Variants in RPA1 observed in about 807,000 individuals in gnomAD.
RPA1 encodes replication protein A 70 kDa DNA-binding subunit.
A neutral mutation model predicts 83.0 loss-of-function variants in RPA1; 49 were observed. The observed-to-expected ratio is 0.59, with a 90% CI of 0.47 to 0.75. The LOEUF (loss-of-function observed/expected upper bound fraction) is 0.75. RPA1 is among the 30% of genes least tolerant of loss of function. The pLI is 0.00. For synonymous variants in RPA1, 279 were observed against 281.8 expected, an observed-to-expected ratio of 0.99 and a Z score of 0.10; for missense variants, 693 against 776.1, an observed-to-expected ratio of 0.89 and a Z score of 1.27.
At chr17:1,869,368 C>T (rs916114247) in intron 5 of RPA1, among the ~76,000 whole-genome samples, 2 of 152,082 alleles carry the variant, frequency 1.3e-5, no homozygotes, top group African/African-American at 4.8e-5. Flanking sequence ...GAAACCCTGT[C>T]TCTACTAAAA....
intron 5 of RPA1, among the ~76,000 whole-genome samples, chr17:1,869,880 G>A (rs1913315823): frequency 6.6e-6 from 1 of 152,134 alleles, no homozygotes. Context: ...CGTCTCTTGT[G>A]CCAGATTTGC....
Position 1,880,561 on chromosome 17 carries a change from T to C in RPA1, c.1111T>C (p.Ser371Pro), listed in dbSNP as rs1161890280. The change falls in exon 12 of 17, where the codon TCT (serine) becomes CCT (proline). Residue 371 changes from serine to proline, a missense_variant. By Grantham distance (74) the Ser-to-Pro change is moderately conservative. Transcript: ENST00000254719. ...WGEDADKFDG[S>P]RQPVLAIKGA... is the part of the protein sequence containing the mutation. ...TTTACAGGCTGATAAATTTGATGGT[T>C]CTAGACAGCCCGTGTTGGCTATCAA... 1 of 1,614,170 alleles carries C rather than the reference T, an allele frequency of 6.2e-7. No individual in the cohort carries two copies. The highest frequency in any genetic ancestry group is 1.7e-5 in the Admixed American group (1 of 60,032).
At chr17:1,842,885 A>G in intron 2 of RPA1, 32 bp downstream of exon 2, 1 of 1,608,240 alleles carries the variant, frequency 6.2e-7, no homozygotes, top group Non-Finnish European at 8.5e-7. Context: ...GTTCCATGTC[A>G]ACTTCTTTGG....
At chr17:1,833,802 C>T (rs1911709172) in intron 1 of RPA1, among the ~76,000 whole-genome samples, 1 of 151,938 alleles carries the variant, frequency 6.6e-6, no homozygotes, top group Non-Finnish European at 1.5e-5. Context: ...TCCGGTAAGC[C>T]AAGATCGCAC....
intron 6 of RPA1, among the ~76,000 whole-genome samples, chr17:1,873,728 C>T (rs1182255688): frequency 1.3e-5 from 2 of 151,940 alleles, no homozygotes; most frequent in Non-Finnish European, 2.9e-5. Flanking sequence ...GTGGCTCACG[C>T]TTATAATCCC....
At chr17:1,844,020 A>G in intron 3 of RPA1, 22 bp downstream of exon 3, 2 of 1,603,474 alleles carry the variant, frequency 1.2e-6, no homozygotes, top group Non-Finnish European at 1.7e-6. Flanking sequence ...GTATCCATCT[A>G]GAAATGTGTG....
At position 1,830,041 on chromosome 17, in the gene RPA1, TG is replaced by T. The variant is rs1911465016; in HGVS notation, c.-49del. 8.0e-7 allele frequency: 1 copy of T among 1,245,954 alleles called. No homozygotes were observed. The highest frequency in any genetic ancestry group is 1.0e-6 in the Non-Finnish European group (1 of 986,152). 77.2% of individuals were successfully genotyped at this position (1,245,954 alleles called of 1,614,324 possible). ...AACTGCGCAGCGCGCGGGACCCGGG[TG>T]GGGAAGCTGGAGCTGTTGCGGGGTC... is the stretch of plus-strand genomic sequence containing the variant. On this transcript the variant is annotated 5_prime_UTR_variant, in exon 1 of 17. Coordinates refer to ENST00000254719, the MANE Select transcript of RPA1 (RefSeq NM_002945.5).
intron 13 of RPA1, among the ~76,000 whole-genome samples, chr17:1,887,142 G>A (rs1914021761): frequency 6.6e-6 from 1 of 152,162 alleles, no homozygotes; most frequent in South Asian, 2.1e-4. Flanking sequence ...ATTCAAAGAA[G>A]AGAGACAGGA....
intron 4 of RPA1, among the ~76,000 whole-genome samples, chr17:1,845,162 T>TTA: frequency 7.1e-6 from 1 of 141,714 alleles, no homozygotes; most frequent in Non-Finnish European, 1.6e-5. Flanking sequence ...TAATGCTGCT[T>TTA]TGTGTGTGTG....
At chr17:1,895,659 G>GTATTATTTATTTATT (rs149258342) in intron 16 of RPA1, among the ~76,000 whole-genome samples, 11,953 of 141,752 alleles carry the variant, frequency 0.084, 777 homozygotes, top group East Asian at 0.13. Flanking sequence ...ATACCATATA[G>GTATTATTTATTTATT]TATTTATTTA....
rs1486807396 is a variant in RPA1, at chr17:1,883,927, C to T, written c.1357C>T (p.Leu453=). ...CTTGTATGAGGTCAAATCCGAGAAC[C>T]TGGGCCAAGGCGACAAGGTACCCAG... ...KTLYEVKSEN[L]GQGDKPDYFS... is the part of the protein sequence containing the mutation. The change falls in exon 13 of 17, where the codon CTG becomes TTG. Residue 453 remains leucine, a synonymous_variant. Transcript: ENST00000254719. 6.2e-7 allele frequency: 1 copy of T among 1,613,936 alleles called. No individual in the cohort carries two copies. The highest frequency in any genetic ancestry group is 8.5e-7 in the Non-Finnish European group (1 of 1,180,004).
At chr17:1,881,754 CG>C (rs1567823539) in intron 12 of RPA1, among the ~76,000 whole-genome samples, 1 of 152,180 alleles carries the variant, frequency 6.6e-6, no homozygotes, top group Non-Finnish European at 1.5e-5. Context: ...ATAAAAAGCA[CG>C]GCTGTCCCCA....
At chr17:1,855,784 C>T (rs1912670400) in intron 5 of RPA1, among the ~76,000 whole-genome samples, 1 of 150,142 alleles carries the variant, frequency 6.7e-6, no homozygotes. Context: ...CTTAGATGTT[C>T]AGTTGAATTC....
In RPA1 at chr17:1,860,515, G is replaced by C. The variant is rs867013853; in HGVS notation, c.361+7326G>C. Among the ~76,000 whole-genome samples the C allele has an allele frequency of 1.2e-4, 19 of 152,304 alleles. No individual in the cohort carries two copies. The South Asian group carries it at 3.7e-3, about 30-fold the overall frequency. On this transcript the variant is annotated intron_variant, in intron 5 of 16. Transcript: ENST00000254719. ...TTTCTCAGGCAGTGCCTAATCTGCT[G>C]TTAATCCCATTGAGTGTATTTTTCT...
chr17:1,854,595 T>C (rs1349317310), intron 5 of RPA1, among the ~76,000 whole-genome samples: 1 of 151,974 alleles, frequency 6.6e-6, no homozygotes, highest in Non-Finnish European at 1.5e-5. Flanking sequence ...TCTCAGCTAC[T>C]TGGGAGGATG....
intron 4 of RPA1, among the ~76,000 whole-genome samples, chr17:1,851,708 T>C (rs921405227): frequency 5.3e-5 from 8 of 152,202 alleles, no homozygotes. Context: ...TTATATGTTC[T>C]GGAGTGATTT....
At chr17:1,853,548 A>C (rs1358934459) in intron 5 of RPA1, among the ~76,000 whole-genome samples, 1 of 152,126 alleles carries the variant, frequency 6.6e-6, no homozygotes, top group Non-Finnish European at 1.5e-5. Context: ...CTAGGCATAG[A>C]GGCCTGCGCC....
chr17:1,832,473 G>A (rs1050727644), intron 1 of RPA1, among the ~76,000 whole-genome samples: 2 of 151,970 alleles, frequency 1.3e-5, no homozygotes, highest in East Asian at 1.9e-4. Context: ...TGCAACCTCC[G>A]CCTCCTGGGT....
In RPA1 at chr17:1,898,736, A is replaced by G. The variant is rs1357527165; in HGVS notation, c.*1561A>G. 2 of 152,206 alleles carry G rather than the reference A, an allele frequency of 1.3e-5. No homozygotes were observed. Among genetic ancestry groups the G allele is most frequent in the Admixed American group, 6.5e-5 (1 of 15,284 alleles). 9.4% of individuals were successfully genotyped at this position (152,206 alleles called of 1,614,324 possible). A position where few individuals can be genotyped will look rare whatever the true frequency, so the allele number is the denominator to read the frequency against. ...TCAGCCTCACTAATTGTTTAGACACATTCCTTCCTACCCTTCTCTAGTCTC... is the reference window on the plus strand; with the variant it reads ...TCAGCCTCACTAATTGTTTAGACACGTTCCTTCCTACCCTTCTCTAGTCTC... On this transcript the variant is annotated 3_prime_UTR_variant, in exon 17 of 17. Transcript: ENST00000254719.
Sources: gnomAD v4.1 joint callset for allele counts (sites outside exome capture counted in the v4.1 genomes callset) on GRCh38, gnomAD v4.1.1 for gene constraint, MANE v1.5 for transcripts, NCBI Gene and HGNC (gene_info 2026-07-23, HGNC 2026-07-21) for gene names.